DDAH1: variants seen among roughly 807,000 people sequenced by gnomAD.
DDAH1 encodes the protein dimethylarginine dimethylaminohydrolase 1.
Under a neutral mutation model 28.8 loss-of-function variants are expected in DDAH1, and 19 were observed. The observed-to-expected ratio is 0.66, with a 90% CI of 0.46 to 0.97. DDAH1 has a LOEUF of 0.97. Among genes scored for constraint, DDAH1 ranks in the 50% least tolerant of loss-of-function variants. The pLI is 0.00. For synonymous variants in DDAH1, 153 were observed against 154.4 expected (o/e 0.99, Z 0.07); for missense variants, 326 against 375.9 (o/e 0.87, Z 1.10).
intron 2 of DDAH1, chr1:85,493,925 T>A (rs1462527857): frequency 1.3e-5 from 2 of 152,230 alleles, no homozygotes; most frequent in Non-Finnish European, 2.9e-5. Flanking sequence ...ATTCAAAGTC[T>A]AGTGTTTAAT....
chr1:85,321,652 A>C (rs866167528), intron 5 of DDAH1, 84 bp from the exon 6 acceptor site: 1 of 1,027,438 alleles, frequency 9.7e-7, no homozygotes, highest in Middle Eastern at 2.1e-4. Context: ...TGATTTGTAC[A>C]TCTAGGCTTT....
intron 1 of DDAH1, among the ~76,000 whole-genome samples, chr1:85,519,657 CTT>C (rs1458269326): frequency 1.3e-5 from 2 of 152,032 alleles, no homozygotes; most frequent in African/African-American, 4.8e-5. Flanking sequence ...CAATCTTAAA[CTT>C]ATCAATAATC....
At chr1:85,443,159 G>A (rs547940496) in intron 1 of DDAH1, among the ~76,000 whole-genome samples, 1 of 152,236 alleles carries the variant, frequency 6.6e-6, no homozygotes, top group East Asian at 1.9e-4. Context: ...TATGGTTTTA[G>A]GTCTAACATT....
chr1:85,423,204 TGAG>T (rs2100618089), intron 1 of DDAH1, among the ~76,000 whole-genome samples: 1 of 152,358 alleles, frequency 6.6e-6, no homozygotes, highest in Admixed American at 6.5e-5. Flanking sequence ...TCAGGTAGTG[TGAG>T]TCTTCCACTC....
chr1:85,333,978 T>A (rs1328719002), intron 4 of DDAH1, among the ~76,000 whole-genome samples: 1 of 152,164 alleles, frequency 6.6e-6, no homozygotes, highest in East Asian at 1.9e-4. Context: ...TTCCCCAGCA[T>A]ATTATAATCA....
chr1:85,558,159 G>C (rs1659038456), intron 1 of DDAH1, among the ~76,000 whole-genome samples: 1 of 151,446 alleles, frequency 6.6e-6, no homozygotes, highest in Non-Finnish European at 1.5e-5. Context: ...TTGAGTTCAA[G>C]AGTTCAAGAC....
At chr1:85,444,336 G>C (rs1026708446) in intron 1 of DDAH1, among the ~76,000 whole-genome samples, 1 of 152,168 alleles carries the variant, frequency 6.6e-6, no homozygotes, top group Non-Finnish European at 1.5e-5. Context: ...TGCATTTGTA[G>C]AACCAGCCTT....
chr1:85,398,289 T>C (rs1417409878), intron 1 of DDAH1, among the ~76,000 whole-genome samples: 1 of 152,226 alleles, frequency 6.6e-6, no homozygotes, highest in Non-Finnish European at 1.5e-5. Flanking sequence ...TATATACAAA[T>C]AATCAGGTGA....
chr1:85,363,061 AGTTT>A (rs749804119), intron 1 of DDAH1, among the ~76,000 whole-genome samples: 1 of 152,228 alleles, frequency 6.6e-6, no homozygotes, highest in Non-Finnish European at 1.5e-5. Context: ...TAGCACTGTT[AGTTT>A]AATACTCTTT....
At chr1:85,361,478 C>T (rs896104243) in intron 1 of DDAH1, among the ~76,000 whole-genome samples, 1 of 152,150 alleles carries the variant, frequency 6.6e-6, no homozygotes. Flanking sequence ...TCAGGACAAA[C>T]AGTATTAATT....
At chr1:85,361,015 G>A (rs1649768431) in intron 1 of DDAH1, among the ~76,000 whole-genome samples, 2 of 152,192 alleles carry the variant, frequency 1.3e-5, no homozygotes. Flanking sequence ...ACATGGACAA[G>A]ATTTTTAAAA....
At chr1:85,549,301 G>T (rs2100793088) in intron 1 of DDAH1, among the ~76,000 whole-genome samples, 1 of 152,250 alleles carries the variant, frequency 6.6e-6, no homozygotes, top group Non-Finnish European at 1.5e-5. Flanking sequence ...CTAGACTAAA[G>T]GTTCTCAAAT....
At chr1:85,524,177 G>A (rs1185661836) in intron 1 of DDAH1, among the ~76,000 whole-genome samples, 1 of 152,026 alleles carries the variant, frequency 6.6e-6, no homozygotes, top group Admixed American at 6.6e-5. Flanking sequence ...GTACACAATG[G>A]AGACACAAGG....
chr1:85,451,104 C>A (rs1654653795), intron 1 of DDAH1, among the ~76,000 whole-genome samples: 2 of 152,188 alleles, frequency 1.3e-5, no homozygotes, highest in African/African-American at 4.8e-5. Flanking sequence ...AAGTGCATAT[C>A]TCTAATGGTC....
At chr1:85,357,124 C>T (rs566125886) in intron 2 of DDAH1, among the ~76,000 whole-genome samples, 2 of 152,262 alleles carry the variant, frequency 1.3e-5, no homozygotes, top group South Asian at 2.1e-4. Context: ...GTGCCATCAA[C>T]GGGAGACACA....
chr1:85,367,367 T>G (rs1156426159), intron 1 of DDAH1, among the ~76,000 whole-genome samples: 2 of 152,152 alleles, frequency 1.3e-5, no homozygotes, highest in Non-Finnish European at 1.5e-5. Context: ...TTCCTATGAG[T>G]AGGGTCCTGC....
chr1:85,453,641 T>C (rs564319722), intron 1 of DDAH1, among the ~76,000 whole-genome samples: 1 of 152,310 alleles, frequency 6.6e-6, no homozygotes, highest in East Asian at 1.9e-4. Context: ...TAAACATCCA[T>C]ATATACTTTG....
At chr1:85,440,512 T>C (rs1476355796) in intron 1 of DDAH1, among the ~76,000 whole-genome samples, 2 of 152,212 alleles carry the variant, frequency 1.3e-5, no homozygotes, top group Admixed American at 6.5e-5. Context: ...TTCTGAGACT[T>C]GGAAGTTTAT....
chr1:85,339,058 A>ATAT (rs200357981), intron 4 of DDAH1, among the ~76,000 whole-genome samples: 5 of 149,514 alleles, frequency 3.3e-5, no homozygotes, highest in East Asian at 2.0e-4. Context: ...AAAAAAAAAA[A>ATAT]AAAAATATAT....
Sources: allele counts gnomAD v4.1 joint callset (sites outside exome capture counted in the v4.1 genomes callset), GRCh38; gene constraint gnomAD v4.1.1; transcripts MANE v1.5; gene names NCBI Gene and HGNC (gene_info 2026-07-23, HGNC 2026-07-21).